TCF12: variants seen among roughly 807,000 people sequenced by gnomAD.
TCF12 encodes the protein DNA-binding protein HTF4.
TCF12 carries 45 observed loss-of-function variants against 86.0 expected under a neutral mutation model. The observed-to-expected ratio is 0.52, with a 90% CI of 0.41 to 0.67. The LOEUF (loss-of-function observed/expected upper bound fraction) is 0.67, where lower values mean the gene tolerates loss of function less well. TCF12 is among the 30% of genes least tolerant of loss of function. TCF12 has a pLI of 0.00. For missense variants in TCF12, 881 were observed against 859.9 expected (o/e 1.02, Z -0.31); for synonymous variants, 330 against 299.6 (o/e 1.10, Z -1.05).
chr15:57,238,653 C>G (rs1269737689), intron 12 of TCF12, among the ~76,000 whole-genome samples: 1 of 152,142 alleles, frequency 6.6e-6, no homozygotes, highest in Non-Finnish European at 1.5e-5. Context: ...TGCTTTTTAT[C>G]AGTTAGTATT....
chr15:57,019,920 TA>T (rs2065374688), intron 3 of TCF12, among the ~76,000 whole-genome samples: 1 of 151,950 alleles, frequency 6.6e-6, no homozygotes, highest in African/African-American at 2.4e-5. Context: ...GGATTAGTTT[TA>T]GGGGGGGACT....
chr15:57,204,178 G>A (rs1345265643), intron 8 of TCF12, among the ~76,000 whole-genome samples: 4 of 152,210 alleles, frequency 2.6e-5, no homozygotes, highest in African/African-American at 4.8e-5. Context: ...AGTGGCTCAC[G>A]TAATCCCAGC....
At chr15:57,088,278 G>A (rs1231181652) in intron 4 of TCF12, among the ~76,000 whole-genome samples, 4 of 152,122 alleles carry the variant, frequency 2.6e-5, no homozygotes, top group Admixed American at 1.3e-4. Flanking sequence ...TCAGCCCCGT[G>A]AGTGCTCTGG....
chr15:57,200,105 C>T (rs1191859227), intron 8 of TCF12, among the ~76,000 whole-genome samples: 1 of 145,390 alleles, frequency 6.9e-6, no homozygotes, highest in African/African-American at 2.6e-5. Context: ...TGGTCTTGAA[C>T]TCCTGGGCTC....
Position 57,231,256 on chromosome 15 carries a change from A to T in TCF12, c.684A>T (p.Gln228His). ...TSMFASTFFM[Q>H]DGTHNSSDLW... ...TGTTCGCTAGCACTTTCTTTATGCA[A>T]GGTAAGTACTACCAAACAATTGCCA... is the stretch of plus-strand genomic sequence containing the variant. Residue 228 changes from glutamine (Q) to histidine (H), a missense_variant and splice_region_variant, in exon 9 of 21, where the codon CAA becomes CAT. This residue lies in a region of TCF12 where 766 missense variants were observed against 718.9 expected (regional missense o/e 1.07). Coordinates refer to ENST00000333725, the MANE Select transcript of TCF12 (RefSeq NM_207037.2). The T allele has an allele frequency of 6.2e-7, 1 of 1,604,208 alleles. No individual in the cohort carries two copies. Among genetic ancestry groups the T allele is most frequent in the East Asian group, 2.2e-5 (1 of 44,742 alleles).
chr15:57,281,254 C>G (rs1241291929), intron 19 of TCF12, among the ~76,000 whole-genome samples: 1 of 152,132 alleles, frequency 6.6e-6, no homozygotes, highest in Non-Finnish European at 1.5e-5. Flanking sequence ...ATGCCCGTGT[C>G]ACAGATCCCA....
At chr15:56,940,535 TCTTCTCCTTCTTC>T (rs2060696729) in intron 3 of TCF12, among the ~76,000 whole-genome samples, 7 of 148,302 alleles carry the variant, frequency 4.7e-5, no homozygotes, top group African/African-American at 1.5e-4. Context: ...TTCTTCTCCT[TCTTCTCCTTCTTC>T]TTCCTTTTCC....
At chr15:57,141,257 T>C (rs1206059975) in intron 5 of TCF12, among the ~76,000 whole-genome samples, 1 of 152,232 alleles carries the variant, frequency 6.6e-6, no homozygotes, top group African/African-American at 2.4e-5. Flanking sequence ...GCCCCAGATA[T>C]TGATGCAGTT....
intron 3 of TCF12, among the ~76,000 whole-genome samples, chr15:57,006,806 C>G (rs567189557): frequency 6.6e-6 from 1 of 151,860 alleles, no homozygotes; most frequent in Non-Finnish European, 1.5e-5. Context: ...GTCCCAGCTA[C>G]TTGGGAGGCT....
intron 8 of TCF12, among the ~76,000 whole-genome samples, chr15:57,215,444 A>G (rs1463998318): frequency 6.6e-6 from 1 of 152,120 alleles, no homozygotes; most frequent in Admixed American, 6.6e-5. Context: ...TATAGTGTTC[A>G]TTCGTGGAGT....
intron 3 of TCF12, among the ~76,000 whole-genome samples, chr15:56,987,270 C>T (rs926721950): frequency 1.1e-4 from 17 of 152,118 alleles, no homozygotes; most frequent in African/African-American, 1.2e-4. Flanking sequence ...CCCGCCACCA[C>T]GCCCGGCTAA....
chr15:57,174,383 C>T (rs1315373781), intron 6 of TCF12, among the ~76,000 whole-genome samples: 5 of 152,144 alleles, frequency 3.3e-5, no homozygotes, highest in African/African-American at 9.7e-5. Flanking sequence ...TAAAATCTCT[C>T]AGCAAGCTAA....
At chr15:57,007,790 CTCTCTTTCTT>C (rs1441726907) in intron 3 of TCF12, among the ~76,000 whole-genome samples, 4 of 22,944 alleles carry the variant, frequency 1.7e-4, no homozygotes, top group African/African-American at 2.8e-4. Context: ...TTCTTTCTTT[CTCTCTTTCTT>C]TCTTTCTTTC....
intron 19 of TCF12, among the ~76,000 whole-genome samples, chr15:57,280,567 C>G: frequency 6.6e-6 from 1 of 152,126 alleles, no homozygotes. Context: ...TCCAGATACA[C>G]TTTTACCTAC....
intron 3 of TCF12, among the ~76,000 whole-genome samples, chr15:56,954,297 C>G (rs1418641409): frequency 6.6e-6 from 1 of 151,994 alleles, no homozygotes; most frequent in East Asian, 1.9e-4. Flanking sequence ...TTTGACAAAC[C>G]TGACAAAAAC....
At chr15:57,077,126 A>G (rs963581234) in intron 4 of TCF12, among the ~76,000 whole-genome samples, 3 of 152,210 alleles carry the variant, frequency 2.0e-5, no homozygotes. Context: ...TGTTTGAACT[A>G]TTCTACGTTC....
chr15:57,193,909 A>T (rs2057114995), intron 7 of TCF12, among the ~76,000 whole-genome samples: 1 of 152,158 alleles, frequency 6.6e-6, no homozygotes, highest in South Asian at 2.1e-4. Context: ...ACTTTTTGTT[A>T]TTAAAGAAAG....
chr15:56,990,608 A>C (rs2063404380), intron 3 of TCF12, among the ~76,000 whole-genome samples: 1 of 152,002 alleles, frequency 6.6e-6, no homozygotes, highest in Non-Finnish European at 1.5e-5. Flanking sequence ...TCTATTGCAG[A>C]TTTGTTATTA....
At chr15:57,120,990 AGAAAG>A (rs147278494) in intron 5 of TCF12, among the ~76,000 whole-genome samples, 6,889 of 152,216 alleles carry the variant, frequency 0.045, 437 homozygotes, top group African/African-American at 0.15. Context: ...AAAAAAGAAA[AGAAAG>A]GAAAGGAAAA....
Sources: allele counts gnomAD v4.1 joint callset (sites outside exome capture counted in the v4.1 genomes callset), GRCh38; gene constraint gnomAD v4.1.1; regional missense constraint gnomAD v4.1.1; transcripts MANE v1.5; gene names NCBI Gene and HGNC (gene_info 2026-07-23, HGNC 2026-07-21).